The following HERC4 variants were observed in gnomAD, a reference collection of about 807,000 sequenced individuals.
HERC4 encodes HECT and RLD domain containing E3 ubiquitin protein ligase 4.
Under a neutral mutation model 124.3 loss-of-function variants are expected in HERC4, and 28 were observed. That is an observed-to-expected ratio of 0.23 (90% CI 0.17 to 0.31). HERC4 has a LOEUF of 0.31. Ranked by LOEUF, HERC4 falls within the 10% of genes least tolerant of loss-of-function variation. The pLI is 1.00. For missense variants in HERC4, 713 were observed against 1,229.3 expected (o/e 0.58, Z 6.28); for synonymous variants, 407 against 421.5 (o/e 0.97, Z 0.42).
At chr10:68,011,263 G>A (rs1238684599) in intron 9 of HERC4, among the ~76,000 whole-genome samples, 1 of 152,136 alleles carries the variant, frequency 6.6e-6, no homozygotes, top group Non-Finnish European at 1.5e-5. Context: ...CATTGCCCAG[G>A]TTGGTCTCAA....
In HERC4 at chr10:68,014,139, A is replaced by G; in HGVS notation, c.956T>C (p.Phe319Ser). 6.2e-7 allele frequency: 1 copy of G among 1,613,726 alleles called. No individual in the cohort carries two copies. Among genetic ancestry groups the G allele is most frequent in the Non-Finnish European group, 8.5e-7 (1 of 1,179,856 alleles). The change falls in exon 9 of 25, where the codon TTT (phenylalanine) becomes TCT (serine). Residue 319 changes from phenylalanine (F) to serine (S), a missense_variant. Coordinates refer to ENST00000373700, the MANE Select transcript of HERC4 (RefSeq NM_015601.4). ...CAGCTGCCCATTACCACCAAGCCCA[A>G]AAGAGTAAATTCGTCCTGATGAAGG... Reference protein sequence around the residue: ...FVPSSGRIYSFGLGGNGQLGT... With the variant: ...FVPSSGRIYSSGLGGNGQLGT...
chr10:68,025,829 G>C (rs951022784), intron 7 of HERC4, among the ~76,000 whole-genome samples, 153 bp from the exon 8 acceptor site: 1 of 152,044 alleles, frequency 6.6e-6, no homozygotes, highest in African/African-American at 2.4e-5. Flanking sequence ...CTCTTTCAAA[G>C]TAAAATGTCA....
chr10:68,011,628 T>C (rs113307541), intron 9 of HERC4, among the ~76,000 whole-genome samples: 1 of 152,206 alleles, frequency 6.6e-6, no homozygotes, highest in Non-Finnish European at 1.5e-5. Context: ...CTTAAGCCCA[T>C]ATTAATATAT....
intron 3 of HERC4, among the ~76,000 whole-genome samples, chr10:68,063,914 G>C (rs1326293694): frequency 2.0e-5 from 3 of 151,898 alleles, no homozygotes; most frequent in African/African-American, 7.3e-5. Context: ...ACTCCAGCCT[G>C]GGCAACAAGA....
At chr10:67,926,571 C>T (rs1304358832) in intron 23 of HERC4, among the ~76,000 whole-genome samples, 1 of 152,156 alleles carries the variant, frequency 6.6e-6, no homozygotes, top group African/African-American at 2.4e-5. Flanking sequence ...ATACTGTTCC[C>T]TCAGCCTACA....
chr10:68,022,249 C>T (rs2038668971), intron 8 of HERC4, among the ~76,000 whole-genome samples: 1 of 152,096 alleles, frequency 6.6e-6, no homozygotes, highest in Non-Finnish European at 1.5e-5. Context: ...CCTGTAATCC[C>T]AACACTTTGG....
At chr10:67,934,052 T>G (rs534525229) in intron 22 of HERC4, among the ~76,000 whole-genome samples, 3 of 152,200 alleles carry the variant, frequency 2.0e-5, no homozygotes, top group Non-Finnish European at 4.4e-5. Context: ...AAGGCAACTA[T>G]TTAACTCTTT....
intron 5 of HERC4, among the ~76,000 whole-genome samples, chr10:68,037,628 C>T (rs1329657039): frequency 6.6e-6 from 1 of 152,100 alleles, no homozygotes; most frequent in Non-Finnish European, 1.5e-5. Flanking sequence ...GAGTTTTTAA[C>T]TGTTTAATAA....
intron 2 of HERC4, 44 bp from the exon 3 acceptor site, chr10:68,073,230 G>GC: frequency 1.5e-6 from 1 of 682,640 alleles, no homozygotes; most frequent in South Asian, 1.9e-5. Context: ...AAGAAAAAAG[G>GC]ATGTATAATT....
intron 4 of HERC4, among the ~76,000 whole-genome samples, chr10:68,041,173 T>G (rs1473747851): frequency 6.6e-6 from 1 of 152,144 alleles, no homozygotes; most frequent in Non-Finnish European, 1.5e-5. Context: ...TTATATTATG[T>G]AATTAAACAT....
chr10:67,972,219 GAAAAAA>G (rs767498811), intron 15 of HERC4, among the ~76,000 whole-genome samples: 1 of 51,198 alleles, frequency 2.0e-5, no homozygotes, highest in Non-Finnish European at 4.1e-5. Flanking sequence ...TGTCTCAAAG[GAAAAAA>G]AAAAAAAAAA....
At chr10:68,015,520 C>A (rs1284035230) in intron 8 of HERC4, among the ~76,000 whole-genome samples, 1 of 151,930 alleles carries the variant, frequency 6.6e-6, no homozygotes, top group Non-Finnish European at 1.5e-5. Context: ...CAAACTAACA[C>A]CTTTGGTTTT....
At chr10:68,008,039 T>G (rs1448964795) in intron 9 of HERC4, 1 of 152,256 alleles carries the variant, frequency 6.6e-6, no homozygotes, top group Non-Finnish European at 1.5e-5. Flanking sequence ...TCTTGCCAAC[T>G]CATAGAGGTA....
At chr10:67,978,259 C>A (rs534231271) in intron 15 of HERC4, among the ~76,000 whole-genome samples, 20 of 152,172 alleles carry the variant, frequency 1.3e-4, no homozygotes, top group Non-Finnish European at 2.8e-4. Flanking sequence ...CAGGAGACTC[C>A]GTCTCCAAAC....
chr10:68,010,564 T>C, intron 9 of HERC4: 1 of 1,062,336 alleles, frequency 9.4e-7, no homozygotes, highest in Non-Finnish European at 1.4e-6. Flanking sequence ...TTCTCCAGGT[T>C]CTCAATACTG....
intron 4 of HERC4, among the ~76,000 whole-genome samples, chr10:68,041,657 G>C (rs1256965064): frequency 6.6e-6 from 1 of 151,964 alleles, no homozygotes; most frequent in Non-Finnish European, 1.5e-5. Flanking sequence ...CATCTTTATT[G>C]CCAACAATTA....
intron 3 of HERC4, chr10:68,069,489 T>C (rs2133854415): frequency 1.0e-6 from 1 of 985,464 alleles, no homozygotes; most frequent in Non-Finnish European, 1.2e-6. Flanking sequence ...GTTAAATCTT[T>C]CTGTGTGGTC....
intron 19 of HERC4, among the ~76,000 whole-genome samples, chr10:67,941,486 C>T (rs1363222221): frequency 6.6e-6 from 1 of 151,562 alleles, no homozygotes; most frequent in African/African-American, 2.4e-5. Context: ...AAAGAAAAAA[C>T]ATAGAAAAGA....
intron 15 of HERC4, among the ~76,000 whole-genome samples, chr10:67,982,445 C>T (rs1174852097): frequency 6.6e-6 from 1 of 151,984 alleles, no homozygotes; most frequent in Non-Finnish European, 1.5e-5. Context: ...TCAAACTAGA[C>T]CCCTATCTCT....
Sources: allele counts gnomAD v4.1 joint callset (sites outside exome capture counted in the v4.1 genomes callset), GRCh38; gene constraint gnomAD v4.1.1; transcripts MANE v1.5; gene names NCBI Gene and HGNC (gene_info 2026-07-23, HGNC 2026-07-21).